Variants in DCSTAMP observed in about 807,000 individuals in gnomAD.
The protein encoded by DCSTAMP is dendritic cell-specific transmembrane protein.
A neutral mutation model predicts 33.8 loss-of-function variants in DCSTAMP; 25 were observed. That is an observed-to-expected ratio of 0.74 (90% CI 0.54 to 1.03). DCSTAMP has a LOEUF of 1.03. Among genes scored for constraint, DCSTAMP ranks in the 50% least tolerant of loss-of-function variants. DCSTAMP has a pLI of 0.00. For missense variants in DCSTAMP, 531 were observed against 556.8 expected (o/e 0.95, Z 0.47); for synonymous variants, 245 against 216.7 (o/e 1.13, Z -1.15).
rs1241693339 is a variant in DCSTAMP, at chr8:104,347,771, T to C, written c.-12-770T>C. Among the ~76,000 whole-genome samples, 3 of 152,118 alleles carry C rather than the reference T, an allele frequency of 2.0e-5. 1 individual carries two copies. Among genetic ancestry groups the C allele is most frequent in the African/African-American group, 4.8e-5 (2 of 41,418 alleles). On this transcript the variant is annotated intron_variant, in intron 1 of 3. Transcript: ENST00000297581. ...CAGCCTGGTATAATAGGCTCAAAAA[T>C]GGCCCCCTCAGAGTTGTCCATGTCC...
At chr8:104,349,728 C>A in intron 2 of DCSTAMP, 147 bp downstream of exon 2, 2 of 866,918 alleles carry the variant, frequency 2.3e-6, no homozygotes, top group South Asian at 1.8e-5. Flanking sequence ...ATAGAAGGAA[C>A]CCAACAATTG....
chr8:104,356,250 T>G lies in DCSTAMP; in HGVS notation c.*52T>G. On this transcript the variant is annotated 3_prime_UTR_variant, in exon 4 of 4. Coordinates refer to ENST00000297581, the MANE Select transcript of DCSTAMP (RefSeq NM_030788.4). ...TCGCACCAACAATTCTCTTCAGGTC[T>G]AGGATGGCAGTCACTATTCATGCCG... is the stretch of plus-strand genomic sequence containing the variant. 3 of 1,553,334 alleles carry G rather than the reference T, an allele frequency of 1.9e-6. No individual in the cohort carries two copies. The highest frequency in any genetic ancestry group is 2.6e-6 in the Non-Finnish European group (3 of 1,138,724).
chr8:104,349,594 G>A lies in DCSTAMP; in HGVS notation c.1029+13G>A, dbSNP rs748784634. 1.9e-6 allele frequency: 3 copies of A among 1,597,392 alleles called. No individual in the cohort carries two copies. The South Asian group carries it at 3.4e-5, about 18-fold the overall frequency. The stretch of plus-strand genomic sequence containing the variant: ...ACTGCACGGAGAGGTAGGGCCCACA[G>A]GTACTTCTCATGGTTTATCCCGGCT... On this transcript the variant is annotated intron_variant, in intron 2 of 3. Coordinates refer to ENST00000297581, the MANE Select transcript of DCSTAMP (RefSeq NM_030788.4).
chr8:104,342,827 C>T (rs574907613), intron 1 of DCSTAMP, among the ~76,000 whole-genome samples: 3 of 152,304 alleles, frequency 2.0e-5, no homozygotes, highest in South Asian at 2.1e-4. Flanking sequence ...GGCCTGCGTC[C>T]GGGGTGCCCG....
Position 104,348,845 on chromosome 8 carries a change from T to G in DCSTAMP, c.293T>G (p.Leu98Trp). ...GGCCTGCGTGAAGGCAGGAATGCTT[T>G]GATTGCAGCTGGCACAGGGATCGTC... Reference protein sequence around the residue: ...SCGLREGRNALIAAGTGIVIL... With the variant: ...SCGLREGRNAWIAAGTGIVIL... The change falls in exon 2 of 4, where the codon TTG becomes TGG. Residue 98 changes from leucine to tryptophan, a missense_variant. Transcript: ENST00000297581. The G allele has an allele frequency of 6.2e-7, 1 of 1,614,232 alleles. No homozygotes were observed. The highest frequency in any genetic ancestry group is 8.5e-7 in the Non-Finnish European group (1 of 1,180,044).
chr8:104,352,490 T>C (rs1248146231), intron 2 of DCSTAMP, among the ~76,000 whole-genome samples: 1 of 152,026 alleles, frequency 6.6e-6, no homozygotes, highest in East Asian at 1.9e-4. Context: ...TTTCTTGTCT[T>C]CCCCCCTCAA....
At chr8:104,353,812 G>A (rs961784937) in intron 2 of DCSTAMP, among the ~76,000 whole-genome samples, 2 of 152,214 alleles carry the variant, frequency 1.3e-5, no homozygotes, top group African/African-American at 4.8e-5. Context: ...GGGCTCTGTG[G>A]CACTAGAGTG....
intron 1 of DCSTAMP, among the ~76,000 whole-genome samples, chr8:104,341,458 C>T (rs941953709): frequency 6.6e-6 from 1 of 152,192 alleles, no homozygotes; most frequent in Admixed American, 6.5e-5. Context: ...AGCCCTGTGC[C>T]CTCCATGCTG....
intron 2 of DCSTAMP, among the ~76,000 whole-genome samples, chr8:104,354,060 C>G (rs781590412): frequency 1.4e-4 from 21 of 152,294 alleles, no homozygotes; most frequent in Non-Finnish European, 2.2e-4. Context: ...AATGTCATCT[C>G]CTGCCCTCTG....
At chr8:104,341,285 C>T (rs2099382795) in intron 1 of DCSTAMP, among the ~76,000 whole-genome samples, 1 of 152,228 alleles carries the variant, frequency 6.6e-6, no homozygotes, top group Admixed American at 6.5e-5. Flanking sequence ...TATTTCATGG[C>T]TCCATTTTTT....
chr8:104,352,562 A>AT (rs1810489649), intron 2 of DCSTAMP, among the ~76,000 whole-genome samples: 1 of 151,818 alleles, frequency 6.6e-6, no homozygotes, highest in African/African-American at 2.4e-5. Flanking sequence ...GCAAGTACCC[A>AT]TGGCTGTGTT....
chr8:104,344,395 G>A (rs116093068), intron 1 of DCSTAMP, among the ~76,000 whole-genome samples: 1,694 of 151,952 alleles, frequency 0.011, 21 homozygotes, highest in African/African-American at 0.038. Context: ...TTTCTCAGTC[G>A]CATGAGCCCT....
chr8:104,345,906 T>C (rs967568541), intron 1 of DCSTAMP, among the ~76,000 whole-genome samples: 6 of 152,226 alleles, frequency 3.9e-5, no homozygotes, highest in African/African-American at 4.8e-5. Context: ...GGGCTTGTGA[T>C]ATACAGGTCA....
intron 3 of DCSTAMP, 34 bp from the exon 4 acceptor site, chr8:104,356,090 C>T: frequency 1.9e-6 from 3 of 1,590,604 alleles, no homozygotes; most frequent in Non-Finnish European, 2.6e-6. Flanking sequence ...ACTCCAACTC[C>T]AATGCCCATT....
intron 2 of DCSTAMP, among the ~76,000 whole-genome samples, chr8:104,352,580 C>A (rs1000593572): frequency 3.9e-5 from 6 of 151,992 alleles, no homozygotes; most frequent in African/African-American, 1.5e-4. Context: ...GTTGTGAATT[C>A]TCACCATGTT....
At chr8:104,341,515 C>T (rs919693018) in intron 1 of DCSTAMP, among the ~76,000 whole-genome samples, 4 of 152,286 alleles carry the variant, frequency 2.6e-5, no homozygotes, top group African/African-American at 4.8e-5. Context: ...GCAGGGAAAA[C>T]GATTGAGGTG....
intron 1 of DCSTAMP, among the ~76,000 whole-genome samples, chr8:104,348,139 A>T (rs1168981382): frequency 1.3e-5 from 2 of 152,212 alleles, no homozygotes; most frequent in Non-Finnish European, 2.9e-5. Flanking sequence ...TGACCTCCAG[A>T]ACTGTGAGAG....
rs142014257 is a variant in DCSTAMP, at chr8:104,348,833, G to A, written c.281G>A (p.Gly94Asp). ...LVFLSCGLRE[G>D]RNALIAAGTG... ...TTTCTCTCTTGTGGCCTGCGTGAAG[G>A]CAGGAATGCTTTGATTGCAGCTGGC... The change falls in exon 2 of 4, where the codon GGC becomes GAC. Residue 94 changes from glycine to aspartate, a missense_variant. Physicochemically the swap from Gly to Asp is moderately conservative, Grantham distance 94. Coordinates refer to ENST00000297581, the MANE Select transcript of DCSTAMP (RefSeq NM_030788.4). 4.5e-5 allele frequency: 72 copies of A among 1,614,092 alleles called. No individual in the cohort carries two copies. The African/African-American group carries it at 8.9e-4, about 20-fold the overall frequency.
chr8:104,349,743 T>A (rs1047012148), intron 2 of DCSTAMP, among the ~76,000 whole-genome samples, 162 bp downstream of exon 2: 2 of 152,188 alleles, frequency 1.3e-5, no homozygotes, highest in Non-Finnish European at 2.9e-5. Context: ...CAATTGCAGG[T>A]CAAATTGAAT....
Sources: gnomAD v4.1 joint callset for allele counts (sites outside exome capture counted in the v4.1 genomes callset) on GRCh38, gnomAD v4.1.1 for gene constraint, MANE v1.5 for transcripts, NCBI Gene and HGNC (gene_info 2026-07-23, HGNC 2026-07-21) for gene names.